MEIOB: variants seen among roughly 807,000 people sequenced by gnomAD.
MEIOB encodes the protein meiosis specific with OB-fold, also known as meiosis-specific with OB domain-containing protein.
In MEIOB, 50 loss-of-function variants were observed where a neutral mutation model predicts 53.1. That is an observed-to-expected ratio of 0.94 (90% CI 0.75 to 1.19). The LOEUF is 1.19. MEIOB is among the 50% of genes most tolerant of loss of function. The pLI is 0.00. For synonymous variants in MEIOB, 192 were observed against 182.5 expected (o/e 1.05, Z -0.42); for missense variants, 551 against 550.8 (o/e 1.00, Z 0.00).
At chr16:1,849,590 C>T (rs1899112050) in intron 9 of MEIOB, among the ~76,000 whole-genome samples, 2 of 147,450 alleles carry the variant, frequency 1.4e-5, no homozygotes, top group South Asian at 2.2e-4. Flanking sequence ...ATGTAGCAAA[C>T]CATCATGGGA....
intron 4 of MEIOB, 22 bp from the exon 5 acceptor site, chr16:1,860,497 GATGATATTA>G: frequency 7.4e-7 from 1 of 1,355,120 alleles, no homozygotes; most frequent in Non-Finnish European, 1.0e-6. Flanking sequence ...GGCAAAGTAT[GATGATATTA>G]CAAAACAGTA....
At chr16:1,836,583 T>C (rs1208906055) in intron 13 of MEIOB, among the ~76,000 whole-genome samples, 1 of 147,982 alleles carries the variant, frequency 6.8e-6, no homozygotes, top group African/African-American at 2.4e-5. Flanking sequence ...TGAAGAGGCC[T>C]CAAGCCGAGG....
Position 1,834,264 on chromosome 16 carries a change from G to A in MEIOB, c.1408C>T (p.His470Tyr). 1 of 1,590,312 alleles carries A rather than the reference G, an allele frequency of 6.3e-7. No individual in the cohort carries two copies. The change falls in exon 14 of 14, where the codon CAT becomes TAT. Residue 470 changes from histidine (H) to tyrosine (Y), a missense_variant. By Grantham distance (83) the His-to-Tyr change is moderately conservative. Transcript: ENST00000325962. Reference sequence around the variant, plus strand: ...CAAAATGATAGACCGTTTTAAACATGTTTTTGTCCAGACAAGTTTCTGCTT... The same window carrying A: ...CAAAATGATAGACCGTTTTAAACATATTTTTGTCCAGACAAGTTTCTGCTT... ...EASRNLSGQK[H>Y]V
At chr16:1,838,811 C>G (rs1898818237) in intron 12 of MEIOB, among the ~76,000 whole-genome samples, 1 of 152,100 alleles carries the variant, frequency 6.6e-6, no homozygotes, top group Admixed American at 6.6e-5. Context: ...CGTGCCCCAG[C>G]CTCCTGAGTA....
At chr16:1,862,138 T>C (rs380846) in intron 3 of MEIOB, 22 bp from the exon 4 acceptor site, 1,281,717 of 1,538,078 alleles carry the variant, frequency 0.83, 535,256 homozygotes, top group Middle Eastern at 0.88. Context: ...CCAATGCTTT[T>C]ATTTTTCAAA....
chr16:1,864,031 C>T (rs1011568267), intron 3 of MEIOB, among the ~76,000 whole-genome samples: 9 of 152,058 alleles, frequency 5.9e-5, no homozygotes, highest in Admixed American at 2.6e-4. Flanking sequence ...GTAGCATGGA[C>T]CTGTCTGGGC....
intron 2 of MEIOB, among the ~76,000 whole-genome samples, chr16:1,867,370 C>A (rs1165599813): frequency 6.6e-6 from 1 of 151,388 alleles, no homozygotes; most frequent in Non-Finnish European, 1.5e-5. Context: ...ATGTTATAAA[C>A]CTATATCATA....
chr16:1,863,362 T>G (rs931078082), intron 3 of MEIOB, among the ~76,000 whole-genome samples: 6 of 148,274 alleles, frequency 4.0e-5, no homozygotes, highest in African/African-American at 7.5e-5. Flanking sequence ...TTGTTTTTTG[T>G]TTTTTTTTTA....
chr16:1,843,172 C>A (rs1433045658), intron 10 of MEIOB, among the ~76,000 whole-genome samples: 1 of 150,980 alleles, frequency 6.6e-6, no homozygotes, highest in Non-Finnish European at 1.5e-5. Context: ...GGGCGCCTGT[C>A]GTCCCACCTA....
intron 6 of MEIOB, among the ~76,000 whole-genome samples, chr16:1,854,457 TA>T (rs1429753939): frequency 6.6e-6 from 1 of 152,246 alleles, no homozygotes; most frequent in African/African-American, 2.4e-5. Flanking sequence ...AAAGTCTTTT[TA>T]ACATGTCACA....
intron 9 of MEIOB, among the ~76,000 whole-genome samples, chr16:1,846,920 G>A (rs1418893593): frequency 6.6e-6 from 1 of 151,446 alleles, no homozygotes; most frequent in Non-Finnish European, 1.5e-5. Context: ...ACTTTGGGAG[G>A]GTGAGGCGGG....
intron 9 of MEIOB, among the ~76,000 whole-genome samples, chr16:1,845,850 C>T (rs933924492): frequency 2.0e-5 from 3 of 152,114 alleles, no homozygotes; most frequent in African/African-American, 7.2e-5. Flanking sequence ...AGGACCCCAG[C>T]CTCCGGCATA....
At chr16:1,841,298 G>A (rs1446288784) in intron 11 of MEIOB, among the ~76,000 whole-genome samples, 4 of 152,088 alleles carry the variant, frequency 2.6e-5, no homozygotes, top group Non-Finnish European at 5.9e-5. Flanking sequence ...GATTACAGGC[G>A]TGAGCCACCG....
chr16:1,860,535 T>C, intron 4 of MEIOB, 60 bp from the exon 5 acceptor site: 1 of 895,982 alleles, frequency 1.1e-6, no homozygotes, highest in East Asian at 2.7e-5. Context: ...AACACTAACA[T>C]CCTAAATAAC....
chr16:1,854,661 G>A (rs1373108658), intron 6 of MEIOB, among the ~76,000 whole-genome samples: 2 of 152,108 alleles, frequency 1.3e-5, no homozygotes, highest in Non-Finnish European at 2.9e-5. Context: ...GGTATAAAAA[G>A]TGTCCACAGG....
chr16:1,849,423 G>A (rs1404634806), intron 9 of MEIOB, among the ~76,000 whole-genome samples: 3 of 151,726 alleles, frequency 2.0e-5, no homozygotes, highest in Non-Finnish European at 4.4e-5. Context: ...GCGGGCACCT[G>A]TCGTCCCAGC....
At position 1,834,253 on chromosome 16, in the gene MEIOB, G is replaced by A. The variant is rs373497793; in HGVS notation, c.*3C>T. 112 of 1,542,060 alleles carry A rather than the reference G, an allele frequency of 7.3e-5. No individual in the cohort carries two copies. The highest frequency in any genetic ancestry group is 8.3e-5 in the Non-Finnish European group (93 of 1,116,588). On this transcript the variant is annotated 3_prime_UTR_variant, in exon 14 of 14. Coordinates refer to ENST00000325962, the MANE Select transcript of MEIOB (RefSeq NM_001163560.3). ...TTTCCAGAGTTCAAAATGATAGACCGTTTTAAACATGTTTTTGTCCAGACA... is the reference window on the plus strand; with the variant it reads ...TTTCCAGAGTTCAAAATGATAGACCATTTTAAACATGTTTTTGTCCAGACA...
rs1035232087 is a variant in MEIOB, at chr16:1,857,894, T to C, written c.369A>G (p.Thr123=). The change falls in exon 6 of 14, where the codon ACA becomes ACG. Residue 123 remains threonine, a synonymous_variant. Coordinates refer to ENST00000325962, the MANE Select transcript of MEIOB (RefSeq NM_001163560.3). ...CTTCATAACTGGAACAAACTTTTAC[T>C]GTTGAGTGATTCTCACTGAGCAACA... ...CKLLLSENHS[T]VKVCSSYEVD... is the part of the protein sequence containing the mutation. 2 of 1,550,956 alleles carry C rather than the reference T, an allele frequency of 1.3e-6. No individual in the cohort carries two copies. Among genetic ancestry groups the C allele is most frequent in the Non-Finnish European group, 1.7e-6 (2 of 1,146,590 alleles).
At chr16:1,848,694 C>G (rs188644725) in intron 9 of MEIOB, among the ~76,000 whole-genome samples, 1 of 152,006 alleles carries the variant, frequency 6.6e-6, no homozygotes, top group African/African-American at 2.4e-5. Context: ...AGGCACCATA[C>G]CACCACGCCC....
Sources: gnomAD v4.1 joint callset for allele counts (sites outside exome capture counted in the v4.1 genomes callset) on GRCh38, gnomAD v4.1.1 for gene constraint, MANE v1.5 for transcripts, NCBI Gene and HGNC (gene_info 2026-07-23, HGNC 2026-07-21) for gene names.